DAB1: variants seen among roughly 807,000 people sequenced by gnomAD.
The protein encoded by DAB1 is disabled homolog 1.
Under a neutral mutation model 64.6 loss-of-function variants are expected in DAB1, and 15 were observed. That is an observed-to-expected ratio of 0.23 (90% CI 0.16 to 0.36). The LOEUF (loss-of-function observed/expected upper bound fraction) is 0.36, where lower values mean the gene tolerates loss of function less well. Among genes scored for constraint, DAB1 ranks in the 10% least tolerant of loss-of-function variants. DAB1 has a pLI of 1.00. For synonymous variants in DAB1, 235 were observed against 251.9 expected (o/e 0.93, Z 0.64); for missense variants, 596 against 706.7 (o/e 0.84, Z 1.78).
chr1:57,613,912 G>C (rs1524721), intron 7 of DAB1, among the ~76,000 whole-genome samples: 1 of 152,232 alleles, frequency 6.6e-6, no homozygotes, highest in East Asian at 1.9e-4. Flanking sequence ...TGCTCTAGTA[G>C]AAAGGGGATA....
chr1:58,495,701 TA>T (rs5774412), intron 3 of DAB1, among the ~76,000 whole-genome samples: 20,925 of 144,812 alleles, frequency 0.14, 1,558 homozygotes, highest in African/African-American at 0.2. Context: ...TCTTCCACCA[TA>T]AAAAAAAAAA....
chr1:57,490,239 T>C (rs996652712), intron 7 of DAB1, among the ~76,000 whole-genome samples: 6 of 152,316 alleles, frequency 3.9e-5, no homozygotes, highest in African/African-American at 1.4e-4. Context: ...AACTAAGACA[T>C]AACATCTTTA....
chr1:57,183,922 TCAAGC>T (rs1163881353), intron 2 of DAB1, among the ~76,000 whole-genome samples: 2 of 152,094 alleles, frequency 1.3e-5, no homozygotes, highest in African/African-American at 4.8e-5. Flanking sequence ...CACCATTAGC[TCAAGC>T]CAGAAAAGGA....
intron 1 of DAB1, among the ~76,000 whole-genome samples, chr1:57,303,810 C>T (rs1377257342): frequency 2.0e-5 from 3 of 152,070 alleles, no homozygotes; most frequent in Non-Finnish European, 4.4e-5. Flanking sequence ...CAAGAGATAC[C>T]CAGGATTCTT....
chr1:58,545,115 C>G (rs1646680272), intron 1 of DAB1, among the ~76,000 whole-genome samples: 1 of 152,150 alleles, frequency 6.6e-6, no homozygotes, highest in Non-Finnish European at 1.5e-5. Flanking sequence ...GGCACCTTCC[C>G]CAACCCTCCT....
intron 9 of DAB1, among the ~76,000 whole-genome samples, chr1:57,038,582 C>A (rs1647306771): frequency 6.6e-6 from 1 of 152,110 alleles, no homozygotes; most frequent in Non-Finnish European, 1.5e-5. Context: ...CAATTTGGGC[C>A]TCACTTTAGC....
chr1:57,080,756 G>GCACACA (rs71801142), intron 4 of DAB1, among the ~76,000 whole-genome samples: 1,728 of 143,356 alleles, frequency 0.012, 35 homozygotes, highest in African/African-American at 0.046. Flanking sequence ...ACACACACAC[G>GCACACA]CACACACACA....
intron 2 of DAB1, among the ~76,000 whole-genome samples, chr1:57,147,213 G>A (rs1014975623): frequency 2.0e-5 from 3 of 151,812 alleles, no homozygotes; most frequent in Admixed American, 6.6e-5. Flanking sequence ...TGTAGAGATG[G>A]GGTTTTGCCA....
chr1:58,364,630 T>C (rs943373539), intron 3 of DAB1, among the ~76,000 whole-genome samples: 2 of 152,212 alleles, frequency 1.3e-5, no homozygotes, highest in Non-Finnish European at 2.9e-5. Flanking sequence ...ATATACCACA[T>C]TGTAATGTTA....
At chr1:58,051,412 T>A (rs1262271866) in intron 5 of DAB1, among the ~76,000 whole-genome samples, 1 of 152,096 alleles carries the variant, frequency 6.6e-6, no homozygotes, top group African/African-American at 2.4e-5. Context: ...TATTCCATGG[T>A]GTATATGTGC....
chr1:57,576,469 C>T (rs573260954), intron 7 of DAB1, among the ~76,000 whole-genome samples: 11 of 152,170 alleles, frequency 7.2e-5, no homozygotes, highest in African/African-American at 1.9e-4. Flanking sequence ...AGGGAGAAGA[C>T]GACCATGTGA....
chr1:57,617,277 C>T (rs1202882236), intron 7 of DAB1, among the ~76,000 whole-genome samples: 2 of 152,104 alleles, frequency 1.3e-5, no homozygotes, highest in Non-Finnish European at 2.9e-5. Flanking sequence ...CAATGACCAA[C>T]CGCCAGTGTA....
intron 3 of DAB1, among the ~76,000 whole-genome samples, chr1:58,490,946 C>T (rs1645674487): frequency 6.6e-6 from 1 of 151,572 alleles, no homozygotes; most frequent in South Asian, 2.1e-4. Context: ...GCTGGGACTA[C>T]AGGCACCCGC....
chr1:57,526,723 T>C (rs1480924679), intron 7 of DAB1, among the ~76,000 whole-genome samples: 2 of 152,228 alleles, frequency 1.3e-5, no homozygotes, highest in African/African-American at 2.4e-5. Context: ...TCTTCTGTGA[T>C]AGAACTTGTG....
chr1:58,205,758 A>C (rs1352520768), intron 4 of DAB1, among the ~76,000 whole-genome samples: 1 of 152,194 alleles, frequency 6.6e-6, no homozygotes, highest in African/African-American at 2.4e-5. Flanking sequence ...ACACTGGTCC[A>C]TGAAAGTAGC....
chr1:57,063,327 A>T (rs1318552360), intron 8 of DAB1, among the ~76,000 whole-genome samples: 1 of 152,226 alleles, frequency 6.6e-6, no homozygotes, highest in African/African-American at 2.4e-5. Flanking sequence ...AACAGTTTGC[A>T]GCTGAGCTTA....
At chr1:57,761,112 T>A (rs979604219) in intron 6 of DAB1, among the ~76,000 whole-genome samples, 8 of 152,230 alleles carry the variant, frequency 5.3e-5, no homozygotes, top group Admixed American at 1.3e-4. Context: ...TTCTTGGACA[T>A]GGCATTAACT....
At chr1:57,055,876 G>A (rs1649705063) in intron 9 of DAB1, among the ~76,000 whole-genome samples, 1 of 152,080 alleles carries the variant, frequency 6.6e-6, no homozygotes, top group African/African-American at 2.4e-5. Flanking sequence ...AGATAGAAGT[G>A]AATCCTGCCC....
intron 5 of DAB1, among the ~76,000 whole-genome samples, chr1:57,990,910 C>T (rs12058823): frequency 0.02 from 3,020 of 152,268 alleles, 67 homozygotes; most frequent in African/African-American, 0.049. Context: ...TCACCCCAGG[C>T]TGTTTGGACA....
Sources: allele counts gnomAD v4.1 joint callset (sites outside exome capture counted in the v4.1 genomes callset), GRCh38; gene constraint gnomAD v4.1.1; transcripts MANE v1.5; gene names NCBI Gene and HGNC (gene_info 2026-07-23, HGNC 2026-07-21).